AATF: variants seen among roughly 807,000 people sequenced by gnomAD.
AATF encodes the protein apoptosis antagonizing transcription factor, also known as protein AATF.
AATF carries 48 observed loss-of-function variants against 63.7 expected under a neutral mutation model. The ratio of observed to expected loss-of-function variants is 0.75; its 90% CI spans 0.60 to 0.96. AATF has a LOEUF of 0.96. AATF is among the 40% of genes least tolerant of loss of function. The probability of loss-of-function intolerance (pLI) is 0.00; values close to 1 mark genes in which losing one functional copy is unlikely to be tolerated. For missense variants in AATF, 639 were observed against 685.7 expected (o/e 0.93, Z 0.76); for synonymous variants, 258 against 247.7 (o/e 1.04, Z -0.39).
intron 11 of AATF, chr17:37,052,501 A>G (rs1205939272): frequency 6.6e-6 from 1 of 152,196 alleles, no homozygotes; most frequent in African/African-American, 2.4e-5. Flanking sequence ...CTAAGCACCT[A>G]GACACCTGCC....
At chr17:36,999,266 A>G (rs1484285396) in intron 8 of AATF, 1 of 152,196 alleles carries the variant, frequency 6.6e-6, no homozygotes, top group East Asian at 1.9e-4. Context: ...TAAAGAGGAA[A>G]AAAGTCATAT....
At chr17:37,023,049 T>C (rs185997445) in intron 10 of AATF, among the ~76,000 whole-genome samples, 1 of 152,344 alleles carries the variant, frequency 6.6e-6, no homozygotes, top group East Asian at 1.9e-4. Context: ...TACTGTACTT[T>C]TAAAATTGTA....
At chr17:37,054,757 A>G (rs1055514526) in intron 11 of AATF, 2 of 152,282 alleles carry the variant, frequency 1.3e-5, no homozygotes, top group African/African-American at 4.8e-5. Flanking sequence ...GAGGCTGGAA[A>G]GGGTATGATG....
intron 10 of AATF, among the ~76,000 whole-genome samples, chr17:37,026,404 C>G (rs1465477217): frequency 6.6e-6 from 1 of 152,226 alleles, no homozygotes; most frequent in Non-Finnish European, 1.5e-5. Context: ...GTAGTCTTTA[C>G]TCATAGCAAT....
At chr17:36,964,817 A>G (rs1204152805) in intron 4 of AATF, among the ~76,000 whole-genome samples, 8 of 142,146 alleles carry the variant, frequency 5.6e-5, no homozygotes, top group Non-Finnish European at 3.0e-5. Context: ...ACTTTACATC[A>G]TGCCATCTCT....
At chr17:37,043,665 A>G (rs1179057366) in intron 11 of AATF, among the ~76,000 whole-genome samples, 1 of 152,184 alleles carries the variant, frequency 6.6e-6, no homozygotes, top group African/African-American at 2.4e-5. Flanking sequence ...TTTCAATTGT[A>G]GTATTTGCAA....
intron 11 of AATF, chr17:37,051,058 A>G (rs1160637279): frequency 1.3e-5 from 2 of 152,238 alleles, no homozygotes; most frequent in Admixed American, 1.3e-4. Context: ...TACATGAGCC[A>G]CCATACCTGG....
chr17:36,989,374 C>T lies in AATF; in HGVS notation c.1277C>T (p.Ala426Val), dbSNP rs2071195801. The T allele has an allele frequency of 6.2e-7, 1 of 1,613,584 alleles. No homozygotes were observed. Among genetic ancestry groups the T allele is most frequent in the Non-Finnish European group, 8.5e-7 (1 of 1,179,772 alleles). The change falls in exon 7 of 12, where the codon GCA (alanine) becomes GTA (valine). Residue 426 changes from alanine to valine, a missense_variant. Ala to Val is a moderately conservative substitution (Grantham distance 64). Coordinates refer to ENST00000619387, the MANE Select transcript of AATF (RefSeq NM_012138.4). ...CGAGTTCTTGGCAAACCTGAGCCAG[C>T]AGCTCAGCCTGTCCCAGAGAGTTTG... Reference protein sequence around the residue: ...VYRVLGKPEPAAQPVPESLPG... With the variant: ...VYRVLGKPEPVAQPVPESLPG...
intron 4 of AATF, among the ~76,000 whole-genome samples, chr17:36,983,569 T>C (rs2071143903): frequency 6.6e-6 from 1 of 152,106 alleles, no homozygotes; most frequent in African/African-American, 2.4e-5. Flanking sequence ...CAGGCAGGTC[T>C]TGAACTCCTG....
chr17:37,043,975 G>T (rs538770133), intron 11 of AATF, among the ~76,000 whole-genome samples: 1 of 152,032 alleles, frequency 6.6e-6, no homozygotes, highest in East Asian at 1.9e-4. Flanking sequence ...TGTGTATTAC[G>T]CCACTGTCCC....
intron 8 of AATF, among the ~76,000 whole-genome samples, chr17:37,001,130 G>C (rs1336408890): frequency 1.3e-5 from 2 of 152,038 alleles, no homozygotes; most frequent in African/African-American, 4.8e-5. Context: ...ACCAGTCTAG[G>C]CAACATAGGG....
intron 8 of AATF, chr17:36,999,264 A>G (rs2071276715): frequency 6.6e-6 from 1 of 152,200 alleles, no homozygotes; most frequent in Non-Finnish European, 1.5e-5. Context: ...GTTAAAGAGG[A>G]AAAAAGTCAT....
At chr17:37,053,287 A>G (rs546523686) in intron 11 of AATF, among the ~76,000 whole-genome samples, 1 of 152,012 alleles carries the variant, frequency 6.6e-6, no homozygotes, top group Non-Finnish European at 1.5e-5. Context: ...AAATTAGGAT[A>G]TATTATATCA....
At chr17:36,996,126 A>G (rs577441475) in intron 8 of AATF, among the ~76,000 whole-genome samples, 9 of 152,336 alleles carry the variant, frequency 5.9e-5, no homozygotes, top group Non-Finnish European at 1.0e-4. Context: ...GAACATATGT[A>G]TGAAGTACAT....
intron 11 of AATF, among the ~76,000 whole-genome samples, chr17:37,031,900 T>G (rs1481367701): frequency 6.6e-6 from 1 of 152,192 alleles, no homozygotes; most frequent in African/African-American, 2.4e-5. Context: ...TTTGTTTGTT[T>G]TTCCTGTTTT....
chr17:36,973,291 C>CT (rs1442762572), intron 4 of AATF, among the ~76,000 whole-genome samples: 2 of 152,004 alleles, frequency 1.3e-5, no homozygotes, highest in Admixed American at 6.6e-5. Context: ...AGGATTTATC[C>CT]TTTTTTTAAA....
intron 8 of AATF, among the ~76,000 whole-genome samples, chr17:36,996,252 C>T (rs1268943326): frequency 4.0e-5 from 6 of 151,744 alleles, no homozygotes; most frequent in African/African-American, 1.2e-4. Flanking sequence ...GGCAACATGG[C>T]GAAACTCCGT....
chr17:36,982,009 C>T (rs1343945130), intron 4 of AATF, among the ~76,000 whole-genome samples: 1 of 152,098 alleles, frequency 6.6e-6, no homozygotes, highest in Non-Finnish European at 1.5e-5. Flanking sequence ...CCCCATTTCC[C>T]TCTTTCTCCA....
chr17:36,953,047 T>G lies in AATF; in HGVS notation c.445T>G (p.Phe149Val), dbSNP rs1251878810. 9.3e-6 allele frequency: 15 copies of G among 1,614,080 alleles called. No homozygotes were observed. The highest frequency in any genetic ancestry group is 1.2e-5 in the Non-Finnish European group (14 of 1,180,020). ...SRSHSAKTPGFSVQSISDFEK... is the reference protein window; with the variant it reads ...SRSHSAKTPGVSVQSISDFEK... ...AAGCCACTCTGCAAAAACACCGGGC[T>G]TCAGTGTCCAGAGTATCAGTGACTT... The change falls in exon 3 of 12, where the codon TTC becomes GTC. Residue 149 changes from phenylalanine to valine, a missense_variant. Physicochemically the swap from Phe to Val is conservative, Grantham distance 50 (BLOSUM62 -1). Transcript: ENST00000619387.
Sources: allele counts gnomAD v4.1 joint callset (sites outside exome capture counted in the v4.1 genomes callset), GRCh38; gene constraint gnomAD v4.1.1; transcripts MANE v1.5; gene names NCBI Gene and HGNC (gene_info 2026-07-23, HGNC 2026-07-21).